Variants in ROBO2 observed in about 807,000 individuals in gnomAD.
ROBO2 encodes the protein roundabout guidance receptor 2, also known as roundabout homolog 2.
A neutral mutation model predicts 160.8 loss-of-function variants in ROBO2; 53 were observed. That is an observed-to-expected ratio of 0.33 (90% CI 0.26 to 0.41). The LOEUF is 0.41. Ranked by LOEUF, ROBO2 falls within the 10% of genes least tolerant of loss-of-function variation. The pLI is 1.00. For missense variants in ROBO2, 1,577 were observed against 1,722.4 expected, an observed-to-expected ratio of 0.92 and a Z score of 1.49; for synonymous variants, 664 against 611.7, an observed-to-expected ratio of 1.09 and a Z score of -1.26.
chr3:76,653,859 G>A (rs1460941116), intron 2 of ROBO2, among the ~76,000 whole-genome samples: 1 of 152,080 alleles, frequency 6.6e-6, no homozygotes, highest in Non-Finnish European at 1.5e-5. Flanking sequence ...AGTTACCACC[G>A]AAGATTCAGC....
chr3:75,941,137 G>C (rs1282013785), intron 2 of ROBO2, among the ~76,000 whole-genome samples: 1 of 151,884 alleles, frequency 6.6e-6, no homozygotes, highest in Admixed American at 6.6e-5. Flanking sequence ...CATTTCATTT[G>C]TAAAGGCTGG....
intron 2 of ROBO2, among the ~76,000 whole-genome samples, chr3:76,280,224 G>C (rs1708158442): frequency 6.6e-6 from 1 of 151,958 alleles, no homozygotes; most frequent in Non-Finnish European, 1.5e-5. Flanking sequence ...ATAATATTTA[G>C]TGGAAAGTAT....
chr3:76,629,682 C>G (rs375182900), intron 2 of ROBO2, among the ~76,000 whole-genome samples: 1 of 152,126 alleles, frequency 6.6e-6, no homozygotes, highest in African/African-American at 2.4e-5. Flanking sequence ...CAGACACGCC[C>G]AGAAACAATA....
intron 2 of ROBO2, among the ~76,000 whole-genome samples, chr3:76,530,496 A>G (rs2082167645): frequency 6.6e-6 from 1 of 152,160 alleles, no homozygotes; most frequent in South Asian, 2.1e-4. Context: ...AACATCCTAT[A>G]TCATACCATG....
chr3:75,978,442 C>T (rs2065188037), intron 2 of ROBO2, among the ~76,000 whole-genome samples: 1 of 151,134 alleles, frequency 6.6e-6, no homozygotes, highest in Admixed American at 6.6e-5. Flanking sequence ...TGGTGTTCAC[C>T]AAAATTTTAC....
chr3:77,228,426 C>A (rs1259654562), intron 2 of ROBO2, among the ~76,000 whole-genome samples: 1 of 151,986 alleles, frequency 6.6e-6, no homozygotes, highest in African/African-American at 2.4e-5. Context: ...CACACACACA[C>A]ACACACACAC....
chr3:76,045,538 T>TA (rs1234820106), intron 2 of ROBO2, among the ~76,000 whole-genome samples: 1 of 152,082 alleles, frequency 6.6e-6, no homozygotes, highest in Admixed American at 6.5e-5. Context: ...AATGCCAAAA[T>TA]AAATAGCCTT....
chr3:77,303,217 T>C (rs774024811), intron 2 of ROBO2, among the ~76,000 whole-genome samples: 1 of 152,202 alleles, frequency 6.6e-6, no homozygotes, highest in Non-Finnish European at 1.5e-5. Flanking sequence ...AAATTGTAGG[T>C]ATGGAGTACC....
chr3:76,722,270 GCCACC>G lies in ROBO2; in HGVS notation c.110-375742_110-375738del, dbSNP rs2093477583. ...CAAGTAGCCGGGATTACAGGTGCCTGCCACCCACGCCTGGCTAATTTTTGTATTTT... is the reference window on the plus strand; with the variant it reads ...CAAGTAGCCGGGATTACAGGTGCCTGCACGCCTGGCTAATTTTTGTATTTT... On this transcript the variant is annotated intron_variant, in intron 2 of 26. Transcript: ENST00000487694. 2.6e-5 allele frequency among the ~76,000 whole-genome samples: 4 copies of G among 152,112 alleles called. No homozygotes were observed. In the South Asian group the frequency reaches 8.3e-4, roughly 32 times the overall value.
intron 2 of ROBO2, among the ~76,000 whole-genome samples, chr3:75,999,842 A>G (rs964245686): frequency 1.3e-5 from 2 of 152,218 alleles, no homozygotes; most frequent in Admixed American, 1.3e-4. Flanking sequence ...TGGGACAGAA[A>G]GACCTTAAAC....
intron 2 of ROBO2, among the ~76,000 whole-genome samples, chr3:76,510,161 T>G (rs898682356): frequency 6.6e-6 from 1 of 152,180 alleles, no homozygotes; most frequent in Non-Finnish European, 1.5e-5. Context: ...GATTTCTTGC[T>G]TATTCTCTAC....
intron 2 of ROBO2, among the ~76,000 whole-genome samples, chr3:76,299,936 G>A (rs980724373): frequency 4.6e-5 from 7 of 152,032 alleles, no homozygotes; most frequent in Non-Finnish European, 7.4e-5. Context: ...ACTGAGAGGA[G>A]CAATATTTTT....
At chr3:76,688,591 G>T (rs935425761) in intron 2 of ROBO2, among the ~76,000 whole-genome samples, 1 of 132,970 alleles carries the variant, frequency 7.5e-6, no homozygotes, top group Non-Finnish European at 1.6e-5. Context: ...ACTAGGGAGA[G>T]AAATTTTAGT....
At chr3:77,025,581 T>C (rs966217174) in intron 2 of ROBO2, among the ~76,000 whole-genome samples, 2 of 152,218 alleles carry the variant, frequency 1.3e-5, no homozygotes, top group African/African-American at 4.8e-5. Context: ...AAAAGATTCA[T>C]GATTTAAGTG....
chr3:76,845,316 AAGG>A (rs1356320544), intron 2 of ROBO2, among the ~76,000 whole-genome samples: 2 of 152,004 alleles, frequency 1.3e-5, no homozygotes, highest in Non-Finnish European at 2.9e-5. Context: ...CAAATTATGA[AAGG>A]AGAATAAAAT....
chr3:76,317,950 G>A (rs971136502), intron 2 of ROBO2, among the ~76,000 whole-genome samples: 3 of 151,746 alleles, frequency 2.0e-5, no homozygotes, highest in African/African-American at 7.3e-5. Context: ...TTTATCCATT[G>A]TCATTTTTGT....
intron 2 of ROBO2, among the ~76,000 whole-genome samples, chr3:75,978,545 TA>T (rs1309518500): frequency 6.6e-6 from 1 of 151,438 alleles, no homozygotes; most frequent in South Asian, 2.1e-4. Context: ...AGACAAAAAA[TA>T]AAAAAGCTGT....
At chr3:77,462,621 G>A (rs547278064) in intron 2 of ROBO2, among the ~76,000 whole-genome samples, 35 of 152,194 alleles carry the variant, frequency 2.3e-4, no homozygotes, top group South Asian at 1.7e-3. Flanking sequence ...AAAACACTCC[G>A]TCAATATACT....
intron 2 of ROBO2, among the ~76,000 whole-genome samples, chr3:76,871,533 G>A (rs1388779019): frequency 7.3e-6 from 1 of 137,116 alleles, no homozygotes; most frequent in Admixed American, 7.7e-5. Context: ...CAGCCTGGGC[G>A]ACAGAGCGAG....
Sources: gnomAD v4.1 joint callset for allele counts (sites outside exome capture counted in the v4.1 genomes callset) on GRCh38, gnomAD v4.1.1 for gene constraint, MANE v1.5 for transcripts, NCBI Gene and HGNC (gene_info 2026-07-23, HGNC 2026-07-21) for gene names.